Variants in DLGAP1 observed in about 807,000 individuals in gnomAD.
The protein encoded by DLGAP1 is DLG associated protein 1.
Under a neutral mutation model 90.8 loss-of-function variants are expected in DLGAP1, and 11 were observed. The ratio of observed to expected loss-of-function variants is 0.12; its 90% CI spans 0.08 to 0.20. The LOEUF is 0.20. Ranked by LOEUF, DLGAP1 falls within the 10% of genes least tolerant of loss-of-function variation. The probability of loss-of-function intolerance (pLI) is 1.00; values close to 1 mark genes in which losing one functional copy is unlikely to be tolerated. For missense variants in DLGAP1, 1,050 were observed against 1,333.8 expected, an observed-to-expected ratio of 0.79 and a Z score of 3.31; for synonymous variants, 558 against 540.7, an observed-to-expected ratio of 1.03 and a Z score of -0.44.
chr18:4,091,349 G>A (rs1004646940), intron 2 of DLGAP1, among the ~76,000 whole-genome samples: 5 of 152,020 alleles, frequency 3.3e-5, no homozygotes, highest in Admixed American at 3.3e-4. Context: ...GTAGGTGTGT[G>A]GATTTCTTTT....
intron 10 of DLGAP1, among the ~76,000 whole-genome samples, chr18:3,523,401 A>G (rs1027633410): frequency 6.6e-6 from 1 of 151,858 alleles, no homozygotes; most frequent in African/African-American, 2.4e-5. Flanking sequence ...ATTAAAAAAA[A>G]TAAAAATAAA....
chr18:4,013,812 TATG>T, intron 2 of DLGAP1: 1 of 152,318 alleles, frequency 6.6e-6, no homozygotes, highest in Non-Finnish European at 1.5e-5. Context: ...TGAATCTACT[TATG>T]ATGATTGAGT....
intron 4 of DLGAP1, among the ~76,000 whole-genome samples, chr18:3,839,435 G>A (rs907785769): frequency 7.9e-5 from 12 of 152,170 alleles, no homozygotes; most frequent in African/African-American, 2.7e-4. Context: ...GTAGGCATTG[G>A]TAGCATGGGA....
At chr18:3,809,050 T>G (rs2148393415) in intron 5 of DLGAP1, among the ~76,000 whole-genome samples, 1 of 152,314 alleles carries the variant, frequency 6.6e-6, no homozygotes, top group Middle Eastern at 3.4e-3. Flanking sequence ...TGCTGAAAGG[T>G]TCCTGGGAGA....
intron 4 of DLGAP1, among the ~76,000 whole-genome samples, chr18:3,818,079 C>T (rs1283232219): frequency 3.3e-5 from 5 of 152,032 alleles, no homozygotes; most frequent in Non-Finnish European, 5.9e-5. Flanking sequence ...CAAACTAATA[C>T]AGGTTAGATT....
intron 1 of DLGAP1, among the ~76,000 whole-genome samples, chr18:4,407,535 T>G (rs1035667884): frequency 6.6e-6 from 1 of 152,162 alleles, no homozygotes; most frequent in African/African-American, 2.4e-5. Flanking sequence ...CTATGCTCCC[T>G]AGGAGCTTTC....
intron 8 of DLGAP1, chr18:3,580,644 C>T (rs1312685984): frequency 6.9e-6 from 11 of 1,603,560 alleles, no homozygotes; most frequent in Non-Finnish European, 9.4e-6. Flanking sequence ...TCGGCTGACC[C>T]AGAGGCGAGG....
At chr18:3,838,140 G>T (rs2068511248) in intron 4 of DLGAP1, among the ~76,000 whole-genome samples, 1 of 152,162 alleles carries the variant, frequency 6.6e-6, no homozygotes, top group Admixed American at 6.5e-5. Context: ...GTGAATGAAA[G>T]AATTGAGTTT....
At chr18:4,073,276 C>T (rs2075476291) in intron 2 of DLGAP1, among the ~76,000 whole-genome samples, 2 of 152,098 alleles carry the variant, frequency 1.3e-5, no homozygotes, top group African/African-American at 4.8e-5. Context: ...AGCAGGGCTT[C>T]GTAAATCCCA....
At chr18:3,550,351 G>A (rs538779533) in intron 9 of DLGAP1, among the ~76,000 whole-genome samples, 6 of 151,540 alleles carry the variant, frequency 4.0e-5, no homozygotes, top group African/African-American at 7.3e-5. Flanking sequence ...TCAGCCTCCC[G>A]AGTAGCTGGG....
chr18:3,940,527 C>T (rs1420718503), intron 3 of DLGAP1, among the ~76,000 whole-genome samples: 1 of 152,172 alleles, frequency 6.6e-6, no homozygotes, highest in Non-Finnish European at 1.5e-5. Context: ...GACTGTCTGG[C>T]TTGGGACTGA....
chr18:4,295,626 C>A (rs1286342034), intron 1 of DLGAP1, among the ~76,000 whole-genome samples: 1 of 152,196 alleles, frequency 6.6e-6, no homozygotes, highest in Non-Finnish European at 1.5e-5. Context: ...TGAGCTAGCA[C>A]CATTTCATCT....
At chr18:3,897,963 T>G (rs1037309558) in intron 3 of DLGAP1, among the ~76,000 whole-genome samples, 1 of 151,408 alleles carries the variant, frequency 6.6e-6, no homozygotes, top group East Asian at 1.9e-4. Context: ...CCCGGCTAAT[T>G]TTTTGTATTT....
intron 7 of DLGAP1, among the ~76,000 whole-genome samples, chr18:3,692,711 A>G (rs2060941204): frequency 6.6e-6 from 1 of 152,200 alleles, no homozygotes; most frequent in African/African-American, 2.4e-5. Context: ...GAGTTCACAT[A>G]TACTCCTTGG....
At chr18:4,162,330 C>T (rs935779334) in intron 1 of DLGAP1, among the ~76,000 whole-genome samples, 2 of 151,964 alleles carry the variant, frequency 1.3e-5, no homozygotes, top group African/African-American at 2.4e-5. Flanking sequence ...TTATGTGGTA[C>T]CAATGGAGAG....
At chr18:4,155,938 C>T (rs1383139461) in intron 1 of DLGAP1, among the ~76,000 whole-genome samples, 1 of 152,172 alleles carries the variant, frequency 6.6e-6, no homozygotes, top group African/African-American at 2.4e-5. Context: ...CACCTGGAGA[C>T]AGGCAACATT....
intron 2 of DLGAP1, among the ~76,000 whole-genome samples, chr18:4,040,992 A>G (rs2074965700): frequency 6.6e-6 from 1 of 152,196 alleles, no homozygotes; most frequent in African/African-American, 2.4e-5. Context: ...GCAATGCCTG[A>G]ACAGACATGG....
At chr18:4,297,338 G>A (rs890932952) in intron 1 of DLGAP1, among the ~76,000 whole-genome samples, 1 of 152,076 alleles carries the variant, frequency 6.6e-6, no homozygotes, top group Non-Finnish European at 1.5e-5. Context: ...GTCTGGTGGT[G>A]CCTAAGACGC....
chr18:3,893,514 G>A (rs918936582), intron 3 of DLGAP1, among the ~76,000 whole-genome samples: 6 of 151,724 alleles, frequency 4.0e-5, no homozygotes, highest in African/African-American at 1.2e-4. Flanking sequence ...GGGAGGTGGA[G>A]GTTGCAGTGA....
Sources: gnomAD v4.1 joint callset for allele counts (sites outside exome capture counted in the v4.1 genomes callset) on GRCh38, gnomAD v4.1.1 for gene constraint, MANE v1.5 for transcripts, NCBI Gene and HGNC (gene_info 2026-07-23, HGNC 2026-07-21) for gene names.